Variants in TCERG1L observed in about 807,000 individuals in gnomAD.
TCERG1L encodes transcription elongation regulator 1-like protein.
A neutral mutation model predicts 56.3 loss-of-function variants in TCERG1L; 37 were observed. The observed-to-expected ratio is 0.66, with a 90% CI of 0.51 to 0.87. The LOEUF (loss-of-function observed/expected upper bound fraction) is 0.87. Among genes scored for constraint, TCERG1L ranks in the 40% least tolerant of loss-of-function variants. TCERG1L has a pLI of 0.00. For synonymous variants in TCERG1L, 324 were observed against 326.3 expected, an observed-to-expected ratio of 0.99 and a Z score of 0.08; for missense variants, 799 against 774.2, an observed-to-expected ratio of 1.03 and a Z score of -0.38.
At chr10:131,139,538 G>A (rs1845710960) in intron 7 of TCERG1L, among the ~76,000 whole-genome samples, 1 of 152,214 alleles carries the variant, frequency 6.6e-6, no homozygotes, top group South Asian at 2.1e-4. Context: ...CAGACAGCGT[G>A]CAGCAGCATG....
intron 4 of TCERG1L, among the ~76,000 whole-genome samples, chr10:131,206,168 G>C (rs1363179413): frequency 6.6e-6 from 1 of 152,242 alleles, no homozygotes; most frequent in Non-Finnish European, 1.5e-5. Flanking sequence ...CATGGACAAC[G>C]AATGAACTGC....
intron 11 of TCERG1L, among the ~76,000 whole-genome samples, chr10:131,096,144 C>T (rs1308771251): frequency 2.0e-5 from 3 of 152,218 alleles, no homozygotes; most frequent in Non-Finnish European, 2.9e-5. Context: ...TGGTCATCCT[C>T]CCATTTGGAG....
At chr10:131,223,200 G>A (rs1392312303) in intron 4 of TCERG1L, among the ~76,000 whole-genome samples, 3 of 152,210 alleles carry the variant, frequency 2.0e-5, no homozygotes, top group Non-Finnish European at 2.9e-5. Context: ...ACCAGCAGCC[G>A]CTGGACTGTG....
chr10:131,304,706 T>G (rs530795977), intron 3 of TCERG1L, among the ~76,000 whole-genome samples: 1 of 152,252 alleles, frequency 6.6e-6, no homozygotes, highest in African/African-American at 2.4e-5. Flanking sequence ...TAATTTCCAG[T>G]GCAGGTGTAA....
chr10:131,236,665 C>A (rs1845916338), intron 4 of TCERG1L, among the ~76,000 whole-genome samples: 1 of 152,212 alleles, frequency 6.6e-6, no homozygotes, highest in South Asian at 2.1e-4. Context: ...CAGCTCTCTC[C>A]CTCCTTGGAG....
At chr10:131,224,800 T>C (rs777751457) in intron 4 of TCERG1L, among the ~76,000 whole-genome samples, 1 of 122,802 alleles carries the variant, frequency 8.1e-6, no homozygotes, top group Non-Finnish European at 1.6e-5. Flanking sequence ...ACACTGACAA[T>C]CTGTGGAAAT....
At chr10:131,213,597 A>G (rs1276545515) in intron 4 of TCERG1L, among the ~76,000 whole-genome samples, 1 of 152,168 alleles carries the variant, frequency 6.6e-6, no homozygotes, top group Non-Finnish European at 1.5e-5. Context: ...AATGGGGACA[A>G]CCCAAGCTAT....
intron 4 of TCERG1L, among the ~76,000 whole-genome samples, chr10:131,181,337 G>A (rs980844404): frequency 6.6e-6 from 1 of 152,208 alleles, no homozygotes; most frequent in African/African-American, 2.4e-5. Flanking sequence ...GGGGCCCGGG[G>A]GTGTCTGTGC....
At chr10:131,217,080 T>A (rs114199491) in intron 4 of TCERG1L, among the ~76,000 whole-genome samples, 1 of 152,088 alleles carries the variant, frequency 6.6e-6, no homozygotes, top group African/African-American at 2.4e-5. Context: ...AAGGGTGATA[T>A]GGTTTGGATC....
At chr10:131,200,252 C>T (rs1415742193) in intron 4 of TCERG1L, among the ~76,000 whole-genome samples, 2 of 152,218 alleles carry the variant, frequency 1.3e-5, no homozygotes, top group African/African-American at 2.4e-5. Flanking sequence ...GTTTGTGCTG[C>T]TAGACAAACG....
chr10:131,286,350 C>T (rs1027406904), intron 3 of TCERG1L, among the ~76,000 whole-genome samples: 3 of 152,116 alleles, frequency 2.0e-5, no homozygotes, highest in South Asian at 2.1e-4. Flanking sequence ...TTAAAGATGG[C>T]ATAATAATTT....
intron 4 of TCERG1L, among the ~76,000 whole-genome samples, chr10:131,225,136 G>A (rs750761688): frequency 3.3e-5 from 5 of 152,164 alleles, no homozygotes; most frequent in Admixed American, 6.5e-5. Flanking sequence ...CTCCCACCCC[G>A]TGGCAGAGCT....
intron 9 of TCERG1L, among the ~76,000 whole-genome samples, chr10:131,109,162 C>G (rs908775903): frequency 1.3e-5 from 2 of 152,188 alleles, no homozygotes; most frequent in African/African-American, 2.4e-5. Flanking sequence ...GCAGAGATCT[C>G]TCTCTCTCCT....
intron 3 of TCERG1L, among the ~76,000 whole-genome samples, chr10:131,296,084 T>C (rs1846686548): frequency 6.6e-6 from 1 of 152,158 alleles, no homozygotes; most frequent in Non-Finnish European, 1.5e-5. Context: ...TTATGAAAAG[T>C]GATTTCAAAG....
chr10:131,247,512 C>G (rs1304980355), intron 4 of TCERG1L, among the ~76,000 whole-genome samples: 1 of 145,064 alleles, frequency 6.9e-6, no homozygotes, highest in African/African-American at 2.4e-5. Context: ...AGACCCACCC[C>G]TGGTCGAGGC....
intron 8 of TCERG1L, among the ~76,000 whole-genome samples, chr10:131,123,647 C>T (rs1019799036): frequency 7.3e-4 from 111 of 152,076 alleles, no homozygotes; most frequent in Non-Finnish European, 2.2e-4. Flanking sequence ...AGTGACGCAT[C>T]CTGGCCTCCG....
At chr10:131,178,093 C>T (rs911465962) in intron 4 of TCERG1L, among the ~76,000 whole-genome samples, 3 of 152,086 alleles carry the variant, frequency 2.0e-5, no homozygotes, top group Non-Finnish European at 2.9e-5. Flanking sequence ...GCGCACTGGG[C>T]GTCAGCCAAG....
chr10:131,118,067 T>C lies in TCERG1L; in HGVS notation c.1260-1133A>G, dbSNP rs1440870801. Among the ~76,000 whole-genome samples, 1 of 152,176 alleles carries C rather than the reference T, an allele frequency of 6.6e-6. No homozygotes were observed. Among genetic ancestry groups the C allele is most frequent in the Non-Finnish European group, 1.5e-5 (1 of 68,018 alleles). Reference sequence around the variant, plus strand: ...TGGCGCACCCTCACTCTGACCATGCTGAGCCCTCGTGGGCCTGCTCCCTGG... The same window carrying C: ...TGGCGCACCCTCACTCTGACCATGCCGAGCCCTCGTGGGCCTGCTCCCTGG... On this transcript the variant is annotated intron_variant, in intron 8 of 11. Transcript: ENST00000368642. This position sits in a 1 kb window ranked among gnomAD's most constrained non-coding sequence, Gnocchi z 4.2.
intron 4 of TCERG1L, among the ~76,000 whole-genome samples, chr10:131,198,602 C>T (rs1282872973): frequency 6.6e-6 from 1 of 152,258 alleles, no homozygotes; most frequent in Non-Finnish European, 1.5e-5. Flanking sequence ...GCTGCCCCCT[C>T]CCATGCAGCG....
Sources: allele counts gnomAD v4.1 joint callset (sites outside exome capture counted in the v4.1 genomes callset), GRCh38; gene constraint gnomAD v4.1.1; non-coding constraint Gnocchi (gnomAD v3.1); transcripts MANE v1.5; gene names NCBI Gene and HGNC (gene_info 2026-07-23, HGNC 2026-07-21).